Variants in NRCAM observed in about 807,000 individuals in gnomAD.
The protein encoded by NRCAM is NgCAM-related cell adhesion molecule.
A neutral mutation model predicts 156.5 loss-of-function variants in NRCAM; 83 were observed. The observed-to-expected ratio is 0.53, with a 90% CI of 0.44 to 0.64. The LOEUF is 0.64. NRCAM is among the 30% of genes least tolerant of loss of function. The pLI is 0.00. For missense variants in NRCAM, 1,417 were observed against 1,597.3 expected (o/e 0.89, Z 1.92); for synonymous variants, 538 against 563.9 (o/e 0.95, Z 0.65).
rs767919797 is a variant in NRCAM at position 108,166,990 on chromosome 7, T to C, written c.3397A>G (p.Lys1133Glu). The change falls in exon 30 of 33, where the codon AAA (lysine) becomes GAA (glutamate). Residue 1133 changes from lysine (K) to glutamate (E), a missense_variant. Lys to Glu is a moderately conservative substitution (Grantham distance 56, BLOSUM62 1). Transcript: ENST00000379028. Reference protein sequence around the residue: ...LKGLMPGTAYKVRVGAVGDSG... With the variant: ...LKGLMPGTAYEVRVGAVGDSG... ...TCCCCCACAGCACCAACTCGAACTTTGTATGCTGTTCCTGGCATTAGACCC... is the reference window on the plus strand; with the variant it reads ...TCCCCCACAGCACCAACTCGAACTTCGTATGCTGTTCCTGGCATTAGACCC... 1.9e-6 allele frequency: 3 copies of C among 1,613,980 alleles called. No homozygotes were observed. The highest frequency in any genetic ancestry group is 4.5e-5 in the East Asian group (2 of 44,876).
Position 108,339,880 on chromosome 7 carries a change from T to C in NRCAM, c.-173-27149A>G, listed in dbSNP as rs184007423. 1.8e-4 allele frequency among the ~76,000 whole-genome samples: 27 copies of C among 146,850 alleles called. No homozygotes were observed. In the East Asian group the frequency reaches 4.6e-3, roughly 25 times the overall value. On this transcript the variant is annotated intron_variant, in intron 2 of 32. Transcript: ENST00000379028. ...ATTGGGACCAATTTGACCCTCAGAC[T>C]CTAAGAAAGAAACGACTTATATTCT...
chr7:108,249,581 T>TC (rs981853035), intron 3 of NRCAM, among the ~76,000 whole-genome samples: 4 of 152,198 alleles, frequency 2.6e-5, no homozygotes, highest in African/African-American at 9.6e-5. Flanking sequence ...CCAAAGAGCA[T>TC]CCCTCTCCCA....
rs1372350824 is a variant in NRCAM at position 108,368,234 on chromosome 7, A to ACCC, written c.-174+31199_-174+31201dup. ...GAATCACACTTTCATACCCCCCCCCACCCCCCCGCCTGCTCACTACTGCTG... is the reference window on the plus strand; with the variant it reads ...GAATCACACTTTCATACCCCCCCCCACCCCCCCCCCGCCTGCTCACTACTGCTG... On this transcript the variant is annotated intron_variant, in intron 2 of 32. Coordinates refer to ENST00000379028, the MANE Select transcript of NRCAM (RefSeq NM_001037132.4). Among the ~76,000 whole-genome samples, 363 of 60,334 alleles carry ACCC rather than the reference A, an allele frequency of 6.0e-3. 1 individual carries two copies. The highest frequency in any genetic ancestry group is 0.013 in the East Asian group (29 of 2,180). The allele number at this position is 60,334 out of a possible 152,430, so 39.6% of individuals were successfully genotyped here. A position where few individuals can be genotyped will look rare whatever the true frequency, so the allele number is the denominator to read the frequency against.
At chr7:108,209,225 G>C (rs565068407) in intron 12 of NRCAM, among the ~76,000 whole-genome samples, 196 bp downstream of exon 12, 4 of 152,210 alleles carry the variant, frequency 2.6e-5, no homozygotes, top group African/African-American at 9.6e-5. Flanking sequence ...GGATTCTTTT[G>C]TGAGGAAGAT....
chr7:108,184,067 G>A (rs1249556488), intron 22 of NRCAM, among the ~76,000 whole-genome samples, 174 bp downstream of exon 22: 1 of 151,670 alleles, frequency 6.6e-6, no homozygotes, highest in Non-Finnish European at 1.5e-5. Flanking sequence ...CAAGCTTTTA[G>A]CAACTATATA....
chr7:108,331,752 G>A (rs893442605), intron 2 of NRCAM, among the ~76,000 whole-genome samples: 5 of 152,160 alleles, frequency 3.3e-5, no homozygotes, highest in Admixed American at 2.0e-4. Context: ...AGTTCTACTT[G>A]GAGCTACTCG....
chr7:108,279,244 A>G (rs933518560), intron 3 of NRCAM, among the ~76,000 whole-genome samples: 6 of 152,232 alleles, frequency 3.9e-5, no homozygotes, highest in African/African-American at 1.4e-4. Context: ...CTTGAGATTA[A>G]TAATAGTTTT....
intron 5 of NRCAM, among the ~76,000 whole-genome samples, chr7:108,235,723 T>G (rs1250400534): frequency 3.3e-5 from 5 of 152,116 alleles, no homozygotes; most frequent in Non-Finnish European, 7.4e-5. Context: ...TGGTCTCGAC[T>G]GGGGTGGTAG....
chr7:108,355,314 G>A (rs1425948499), intron 2 of NRCAM, among the ~76,000 whole-genome samples: 1 of 152,186 alleles, frequency 6.6e-6, no homozygotes, highest in African/African-American at 2.4e-5. Context: ...AGGAGCATAA[G>A]TTTAAAGAAG....
rs532723837 is a variant in NRCAM, at chr7:108,341,630, G to A, written c.-173-28899C>T. On this transcript the variant is annotated intron_variant, in intron 2 of 32. Coordinates refer to ENST00000379028, the MANE Select transcript of NRCAM (RefSeq NM_001037132.4). Reference sequence around the variant, plus strand: ...AATTAATCCTGAAGTCTGGGCAACAGAAGGACAATATGGATGAGCAAAAAA... The same window carrying A: ...AATTAATCCTGAAGTCTGGGCAACAAAAGGACAATATGGATGAGCAAAAAA... Among the ~76,000 whole-genome samples, 11 of 152,280 alleles carry A rather than the reference G, an allele frequency of 7.2e-5. No homozygotes were observed. The South Asian group carries it at 1.7e-3, about 23-fold the overall frequency.
intron 13 of NRCAM, 94 bp from the exon 14 acceptor site, chr7:108,198,193 C>A (rs388557): frequency 0.9 from 841,549 of 931,806 alleles, 380,548 homozygotes; most frequent in East Asian, 1. Flanking sequence ...ATAAAGACTG[C>A]TCTAAGTACA....
intron 1 of NRCAM, among the ~76,000 whole-genome samples, chr7:108,430,422 C>G (rs1823519812): frequency 6.6e-6 from 1 of 151,970 alleles, no homozygotes; most frequent in Admixed American, 6.6e-5. Flanking sequence ...GAAGGTAGAA[C>G]AAACAGGGAT....
At chr7:108,386,987 G>A (rs1208051499) in intron 2 of NRCAM, among the ~76,000 whole-genome samples, 1 of 152,042 alleles carries the variant, frequency 6.6e-6, no homozygotes, top group Admixed American at 6.6e-5. Flanking sequence ...AAAAGCAGAG[G>A]AGTTCCCTTG....
intron 2 of NRCAM, among the ~76,000 whole-genome samples, chr7:108,357,976 C>A (rs748412631): frequency 6.6e-6 from 1 of 152,094 alleles, no homozygotes; most frequent in Non-Finnish European, 1.5e-5. Flanking sequence ...TTCATCCCTA[C>A]GGATTGGCTT....
chr7:108,198,157 A>G (rs1563392838), intron 13 of NRCAM, 58 bp from the exon 14 acceptor site: 3 of 1,391,582 alleles, frequency 2.2e-6, no homozygotes, highest in Non-Finnish European at 2.9e-6. Context: ...GATGTATATT[A>G]AGCTTGTAAA....
intron 1 of NRCAM, among the ~76,000 whole-genome samples, chr7:108,409,130 C>A (rs1396677432): frequency 6.6e-6 from 1 of 152,088 alleles, no homozygotes; most frequent in African/African-American, 2.4e-5. Context: ...AGGATGGAGG[C>A]TAGGCAGGAA....
At chr7:108,293,209 T>C (rs1410022393) in intron 3 of NRCAM, among the ~76,000 whole-genome samples, 2 of 152,150 alleles carry the variant, frequency 1.3e-5, no homozygotes, top group African/African-American at 4.8e-5. Context: ...TCCTAGCTCA[T>C]AGGCCTGACC....
intron 2 of NRCAM, among the ~76,000 whole-genome samples, chr7:108,389,294 C>G (rs1183805471): frequency 1.3e-5 from 2 of 151,840 alleles, no homozygotes; most frequent in Non-Finnish European, 2.9e-5. Flanking sequence ...AAGTTGGATT[C>G]CTAGGTATTT....
intron 23 of NRCAM, among the ~76,000 whole-genome samples, chr7:108,182,208 T>A (rs1480793368): frequency 1.3e-5 from 2 of 151,926 alleles, no homozygotes; most frequent in African/African-American, 4.8e-5. Flanking sequence ...AAAACACGAT[T>A]TTTTAAAAAG....
Sources: gnomAD v4.1 joint callset for allele counts (sites outside exome capture counted in the v4.1 genomes callset) on GRCh38, gnomAD v4.1.1 for gene constraint, MANE v1.5 for transcripts, NCBI Gene and HGNC (gene_info 2026-07-23, HGNC 2026-07-21) for gene names.